The following OR10J1 variants were observed in gnomAD, a reference collection of about 807,000 sequenced individuals.
OR10J1 encodes the protein olfactory receptor family 10 subfamily J member 1.
For missense variants in OR10J1, 474 were observed against 376.6 expected, an observed-to-expected ratio of 1.26 and a Z score of -2.14; for synonymous variants, 202 against 143.8, an observed-to-expected ratio of 1.40 and a Z score of -2.89.
rs1311029448 is a variant in OR10J1, at chr1:159,439,725, G to T, written c.-67G>T. ...GAACTTCAATCAATTTCAGAAATGT[G>T]CTTCTACTGCTTTACTGGGACTATG... On this transcript the variant is annotated 5_prime_UTR_variant, in exon 1 of 1. Transcript: ENST00000423932. 3.8e-6 allele frequency: 6 copies of T among 1,589,712 alleles called. No individual in the cohort carries two copies. The highest frequency in any genetic ancestry group is 5.2e-6 in the Non-Finnish European group (6 of 1,163,884).
the OR10J1 span, among the ~76,000 whole-genome samples, chr1:159,411,920 T>C: frequency 1.3e-5 from 2 of 152,092 alleles, no homozygotes; most frequent in African/African-American, 4.8e-5. Flanking sequence ...GATGACATGA[T>C]TGTATATCTA....
chr1:159,420,771 G>A, the OR10J1 span, among the ~76,000 whole-genome samples: 1 of 151,844 alleles, frequency 6.6e-6, no homozygotes, highest in South Asian at 2.1e-4. Context: ...TATGCTGTTA[G>A]TCTGATCAAA....
the OR10J1 span, among the ~76,000 whole-genome samples, chr1:159,417,593 A>G: frequency 6.6e-6 from 1 of 152,214 alleles, no homozygotes. Context: ...ACGTGGAACT[A>G]TGAGTCCACT....
chr1:159,431,255 A>C, the OR10J1 span, among the ~76,000 whole-genome samples: 2 of 152,214 alleles, frequency 1.3e-5, no homozygotes, highest in Non-Finnish European at 2.9e-5. Context: ...TCACTTCCTT[A>C]TTCCAGACAC....
the OR10J1 span, among the ~76,000 whole-genome samples, chr1:159,404,048 T>C: frequency 6.6e-6 from 1 of 152,066 alleles, no homozygotes; most frequent in Non-Finnish European, 1.5e-5. Context: ...CACTTACTTG[T>C]GGGATCTAAA....
At chr1:159,414,228 C>A in the OR10J1 span, among the ~76,000 whole-genome samples, 1 of 152,102 alleles carries the variant, frequency 6.6e-6, no homozygotes, top group South Asian at 2.1e-4. Context: ...TGACCAACTT[C>A]TCTTCATCAC....
chr1:159,414,134 C>T, the OR10J1 span, among the ~76,000 whole-genome samples: 2 of 152,042 alleles, frequency 1.3e-5, no homozygotes, highest in African/African-American at 4.8e-5. Context: ...TTGAAATTTA[C>T]AATACGTTGT....
At chr1:159,403,413 A>G in the OR10J1 span, among the ~76,000 whole-genome samples, 2 of 137,860 alleles carry the variant, frequency 1.5e-5, no homozygotes, top group African/African-American at 7.2e-5. Flanking sequence ...AAACAACTCT[A>G]TATGAAAACA....
At chr1:159,422,681 G>T in the OR10J1 span, among the ~76,000 whole-genome samples, 3 of 152,184 alleles carry the variant, frequency 2.0e-5, no homozygotes, top group Non-Finnish European at 4.4e-5. Context: ...AGACTCTGGG[G>T]GTTGTGGGAC....
the OR10J1 span, among the ~76,000 whole-genome samples, chr1:159,402,518 C>A: frequency 6.6e-6 from 1 of 151,876 alleles, no homozygotes; most frequent in African/African-American, 2.4e-5. Context: ...ACAATAGCCA[C>A]ACATAAAATG....
rs201823824 is a variant in OR10J1 at position 159,440,614 on chromosome 1, G to C, written c.823G>C (p.Val275Leu). 1 of 1,613,826 alleles carries C rather than the reference G, an allele frequency of 6.2e-7. No individual in the cohort carries two copies. Among genetic ancestry groups the C allele is most frequent in the East Asian group, 2.2e-5 (1 of 44,874 alleles). ...CAGAGAACATGACCAGCTGATCTCG[G>C]TGACCTACACTGTCATCACTCCCCT... ...NTREHDQLIS[V>L]TYTVITPLLN... The change falls in exon 1 of 1, where the codon GTG becomes CTG. Residue 275 changes from valine to leucine, a missense_variant. Transcript: ENST00000423932.
At chr1:159,422,198 G>C in the OR10J1 span, among the ~76,000 whole-genome samples, 1 of 152,148 alleles carries the variant, frequency 6.6e-6, no homozygotes, top group African/African-American at 2.4e-5. Context: ...TGGAGTTGGT[G>C]GATCTGGGCT....
At chr1:159,422,708 C>G in the OR10J1 span, among the ~76,000 whole-genome samples, 2 of 152,174 alleles carry the variant, frequency 1.3e-5, no homozygotes, top group Non-Finnish European at 2.9e-5. Context: ...TGAGCTCCCT[C>G]TAGAGCAGTG....
the OR10J1 span, among the ~76,000 whole-genome samples, chr1:159,399,246 C>T: frequency 6.6e-6 from 1 of 151,902 alleles, no homozygotes; most frequent in East Asian, 1.9e-4. Context: ...CAAGCCAAAG[C>T]TGAGAGGTTT....
At chr1:159,410,593 TTCTTTATTAG>T in the OR10J1 span, among the ~76,000 whole-genome samples, 3 of 152,112 alleles carry the variant, frequency 2.0e-5, no homozygotes, top group East Asian at 5.9e-4. Flanking sequence ...CTCTCTTTTT[TTCTTTATTAG>T]TCTTGCTAGC....
At position 159,440,660 on chromosome 1, in the gene OR10J1, C is replaced by A. The variant is rs774464002; in HGVS notation, c.869C>A (p.Thr290Asn). The change falls in exon 1 of 1, where the codon ACC becomes AAC. Residue 290 changes from threonine to asparagine, a missense_variant. Thr to Asn is a moderately conservative substitution (Grantham distance 65). Transcript: ENST00000423932. ...ITPLLNPVVY[T>N]LRNKEVKDAL... The stretch of plus-strand genomic sequence containing the variant: ...CCCCTACTGAACCCTGTGGTATACA[C>A]CCTGAGAAATAAAGAGGTCAAAGAT... 1.9e-6 allele frequency: 3 copies of A among 1,613,952 alleles called. No homozygotes were observed. The highest frequency in any genetic ancestry group is 1.1e-5 in the South Asian group (1 of 91,066).
chr1:159,408,529 T>G, the OR10J1 span, among the ~76,000 whole-genome samples: 86 of 151,312 alleles, frequency 5.7e-4, no homozygotes, highest in African/African-American at 2.0e-3. Flanking sequence ...GACGAGTTGG[T>G]GGGTGCAGCG....
the OR10J1 span, among the ~76,000 whole-genome samples, chr1:159,424,341 A>G: frequency 6.6e-6 from 1 of 151,252 alleles, no homozygotes; most frequent in Non-Finnish European, 1.5e-5. Context: ...GCACATACAT[A>G]TGATTTAAAT....
At chr1:159,424,010 T>C in the OR10J1 span, among the ~76,000 whole-genome samples, 1 of 150,322 alleles carries the variant, frequency 6.7e-6, no homozygotes, top group Non-Finnish European at 1.5e-5. Flanking sequence ...AGGTCAGGAG[T>C]TCAAGACCAG....
Sources: allele counts gnomAD v4.1 joint callset (sites outside exome capture counted in the v4.1 genomes callset), GRCh38; gene constraint gnomAD v4.1.1; transcripts MANE v1.5; gene names NCBI Gene and HGNC (gene_info 2026-07-23, HGNC 2026-07-21).